Variants in PARD3 observed in about 807,000 individuals in gnomAD.
PARD3 encodes partitioning defective 3 homolog.
PARD3 carries 75 observed loss-of-function variants against 155.4 expected under a neutral mutation model. The ratio of observed to expected loss-of-function variants is 0.48; its 90% CI spans 0.40 to 0.58. The LOEUF (loss-of-function observed/expected upper bound fraction) is 0.58. Among genes scored for constraint, PARD3 ranks in the 20% least tolerant of loss-of-function variants. The probability of loss-of-function intolerance (pLI) is 0.00; values close to 1 mark genes in which losing one functional copy is unlikely to be tolerated. For missense variants in PARD3, 1,642 were observed against 1,721.7 expected (o/e 0.95, Z 0.82); for synonymous variants, 576 against 610.5 (o/e 0.94, Z 0.83).
intron 20 of PARD3, among the ~76,000 whole-genome samples, chr10:34,304,519 T>G (rs770911175): frequency 6.6e-6 from 1 of 152,164 alleles, no homozygotes; most frequent in African/African-American, 2.4e-5. Flanking sequence ...CCATGTCGCA[T>G]AGCAATCTTG....
intron 5 of PARD3, among the ~76,000 whole-genome samples, chr10:34,422,635 A>G (rs2075376452): frequency 6.6e-6 from 1 of 152,178 alleles, no homozygotes; most frequent in African/African-American, 2.4e-5. Flanking sequence ...ATCTGAATAG[A>G]CATTTCTCAA....
intron 3 of PARD3, among the ~76,000 whole-genome samples, chr10:34,482,349 T>G (rs1172418409): frequency 6.6e-6 from 1 of 152,004 alleles, no homozygotes. Flanking sequence ...TGTTTCTATT[T>G]TTTAAATTAA....
intron 1 of PARD3, among the ~76,000 whole-genome samples, chr10:34,725,849 C>A (rs2094699540): frequency 6.6e-6 from 1 of 152,326 alleles, no homozygotes; most frequent in South Asian, 2.1e-4. Context: ...CTTTACTACA[C>A]CTAAAACATT....
At chr10:34,801,017 T>C (rs1332619446) in intron 1 of PARD3, among the ~76,000 whole-genome samples, 2 of 152,310 alleles carry the variant, frequency 1.3e-5, no homozygotes, top group African/African-American at 4.8e-5. Context: ...CTAAGATCTG[T>C]CAAAAATTCT....
intron 1 of PARD3, among the ~76,000 whole-genome samples, chr10:34,729,935 C>A (rs2094787779): frequency 6.6e-6 from 1 of 152,144 alleles, no homozygotes; most frequent in Non-Finnish European, 1.5e-5. Context: ...ACACATCCAA[C>A]ATCACCTCCC....
At chr10:34,256,467 A>G (rs1346860843) in intron 22 of PARD3, among the ~76,000 whole-genome samples, 1 of 152,262 alleles carries the variant, frequency 6.6e-6, no homozygotes, top group Non-Finnish European at 1.5e-5. Context: ...AAAGGTGATA[A>G]GGAAGTGCAG....
intron 1 of PARD3, among the ~76,000 whole-genome samples, chr10:34,761,511 G>C (rs146065684): frequency 6.6e-6 from 1 of 152,146 alleles, no homozygotes; most frequent in Non-Finnish European, 1.5e-5. Flanking sequence ...AAATCAGATT[G>C]ATTATTTTTC....
chr10:34,660,013 C>T (rs2093280054), intron 2 of PARD3, among the ~76,000 whole-genome samples: 1 of 152,180 alleles, frequency 6.6e-6, no homozygotes, highest in East Asian at 1.9e-4. Context: ...AGAAATCTCT[C>T]AGAATTTATT....
At chr10:34,577,150 A>G (rs927512377) in intron 2 of PARD3, among the ~76,000 whole-genome samples, 5 of 152,334 alleles carry the variant, frequency 3.3e-5, no homozygotes, top group African/African-American at 1.2e-4. Flanking sequence ...AAAACAAAGG[A>G]GCAGCTTCGA....
intron 22 of PARD3, among the ~76,000 whole-genome samples, chr10:34,160,323 C>T (rs977099959): frequency 1.3e-5 from 2 of 152,164 alleles, no homozygotes; most frequent in African/African-American, 4.8e-5. Flanking sequence ...GCACACTGCA[C>T]ACTCATGTAG....
Position 34,771,578 on chromosome 10 carries a change from C to T in PARD3, c.120+43298G>A, listed in dbSNP as rs528214885. 3.0e-4 allele frequency among the ~76,000 whole-genome samples: 45 copies of T among 152,342 alleles called. 1 individual carries two copies. Among genetic ancestry groups the T allele is most frequent in the African/African-American group, 1.0e-3 (42 of 41,590 alleles). Reference sequence around the variant, plus strand: ...CAAAACTGAGAAAGAAAAATGACGTCGGTCAGCCCGACCTAGTCTTACAAA... The same window carrying T: ...CAAAACTGAGAAAGAAAAATGACGTTGGTCAGCCCGACCTAGTCTTACAAA... On this transcript the variant is annotated intron_variant, in intron 1 of 24. Transcript: ENST00000374788.
chr10:34,325,235 C>A (rs1201497981), intron 19 of PARD3, among the ~76,000 whole-genome samples: 2 of 152,110 alleles, frequency 1.3e-5, no homozygotes. Context: ...GTCTCGAACT[C>A]CTGATCTCAA....
Position 34,456,365 on chromosome 10 carries a change from C to T in PARD3, c.583-5917G>A, listed in dbSNP as rs564300301. Among the ~76,000 whole-genome samples the T allele has an allele frequency of 8.5e-5, 13 of 152,196 alleles. No individual in the cohort carries two copies. In the East Asian group the frequency reaches 2.3e-3, roughly 27 times the overall value. ...AGGCTGGAGTGCAGTGGCTCAATCT[C>T]GGCTCACCACAACCTCCGTCTCCCT... On this transcript the variant is annotated intron_variant, in intron 4 of 24. Transcript: ENST00000374788.
chr10:34,198,770 A>G (rs1210294359), intron 22 of PARD3, among the ~76,000 whole-genome samples: 1 of 152,116 alleles, frequency 6.6e-6, no homozygotes, highest in Non-Finnish European at 1.5e-5. Flanking sequence ...GGTGTCAGAA[A>G]ACAGGCAAAT....
intron 4 of PARD3, among the ~76,000 whole-genome samples, chr10:34,451,934 G>A (rs1821764435): frequency 6.6e-6 from 1 of 151,978 alleles, no homozygotes; most frequent in Admixed American, 6.6e-5. Flanking sequence ...CGTTTCATAT[G>A]ATAGTCCATA....
chr10:34,506,788 TA>T (rs1212566278), intron 3 of PARD3, among the ~76,000 whole-genome samples: 13 of 152,350 alleles, frequency 8.5e-5, no homozygotes, highest in African/African-American at 2.9e-4. Flanking sequence ...ATCACCATGT[TA>T]ATGGCCATTT....
At chr10:34,462,587 G>A (rs1589664325) in intron 4 of PARD3, among the ~76,000 whole-genome samples, 1 of 152,090 alleles carries the variant, frequency 6.6e-6, no homozygotes, top group African/African-American at 2.4e-5. Flanking sequence ...GCTCAGGCCT[G>A]TAATCCAAAC....
At chr10:34,640,708 CAAAAAAAAAAAAAAAAAAAA>C (rs59111039) in intron 2 of PARD3, among the ~76,000 whole-genome samples, 1 of 24,020 alleles carries the variant, frequency 4.2e-5, no homozygotes. Context: ...GACTCCATCT[CAAAAAAAAAAAAAAAAAAAA>C]AAAAAAAAGC....
intron 4 of PARD3, among the ~76,000 whole-genome samples, chr10:34,465,886 C>T (rs918595564): frequency 1.3e-5 from 2 of 152,102 alleles, no homozygotes; most frequent in Non-Finnish European, 2.9e-5. Context: ...TGGGATAAAT[C>T]ACATGCTCTC....
Sources: allele counts gnomAD v4.1 joint callset (sites outside exome capture counted in the v4.1 genomes callset), GRCh38; gene constraint gnomAD v4.1.1; transcripts MANE v1.5; gene names NCBI Gene and HGNC (gene_info 2026-07-23, HGNC 2026-07-21).